IPP: variants seen among roughly 807,000 people sequenced by gnomAD.
IPP encodes the protein actin-binding protein IPP.
A neutral mutation model predicts 64.1 loss-of-function variants in IPP; 41 were observed. That is an observed-to-expected ratio of 0.64 (90% CI 0.50 to 0.83). The LOEUF (loss-of-function observed/expected upper bound fraction) is 0.83. IPP is among the 40% of genes least tolerant of loss of function. IPP has a pLI of 0.00. For synonymous variants in IPP, 214 were observed against 235.2 expected, an observed-to-expected ratio of 0.91 and a Z score of 0.83; for missense variants, 649 against 703.0, an observed-to-expected ratio of 0.92 and a Z score of 0.87.
chr1:45,719,862 A>C (rs1645708714), intron 5 of IPP, among the ~76,000 whole-genome samples: 1 of 151,754 alleles, frequency 6.6e-6, no homozygotes, highest in African/African-American at 2.4e-5. Flanking sequence ...AGTAGCTGGG[A>C]CTACAGGCGC....
Position 45,717,027 on chromosome 1 carries a change from A to C in IPP, c.1187-10T>G. 6.2e-7 allele frequency: 1 copy of C among 1,609,372 alleles called. No individual in the cohort carries two copies. Among genetic ancestry groups the C allele is most frequent in the African/African-American group, 1.3e-5 (1 of 74,784 alleles). The stretch of plus-strand genomic sequence containing the variant: ...GCTCCAACCCATCCACCTGTAATGA[A>C]ATAGAAAAATGTTTGTTTCCGGGAT... On this transcript the variant is annotated splice_polypyrimidine_tract_variant and intron_variant, in intron 6 of 8. Transcript: ENST00000396478.
At chr1:45,718,700 C>T (rs1160089647) in intron 6 of IPP, among the ~76,000 whole-genome samples, 1 of 152,138 alleles carries the variant, frequency 6.6e-6, no homozygotes, top group Non-Finnish European at 1.5e-5. Context: ...AGGGAAAGAA[C>T]ATCTCCAAAG....
At chr1:45,701,205 T>G (rs993899298) in intron 8 of IPP, among the ~76,000 whole-genome samples, 5 of 152,258 alleles carry the variant, frequency 3.3e-5, no homozygotes, top group African/African-American at 1.2e-4. Flanking sequence ...ACACAAAAAG[T>G]TTGCTAACTC....
At chr1:45,704,027 C>CG (rs777655296) in intron 8 of IPP, among the ~76,000 whole-genome samples, 38 of 152,126 alleles carry the variant, frequency 2.5e-4, no homozygotes, top group Non-Finnish European at 5.1e-4. Flanking sequence ...AACCTCCTGT[C>CG]TCCTACCTTT....
In IPP at chr1:45,723,948, G is replaced by A. The variant is rs541321639; in HGVS notation, c.1048+3683C>T. 7.9e-5 allele frequency among the ~76,000 whole-genome samples: 12 copies of A among 151,744 alleles called. No individual in the cohort carries two copies. In the South Asian group the frequency reaches 2.1e-3, roughly 26 times the overall value. On this transcript the variant is annotated intron_variant, in intron 5 of 8. Transcript: ENST00000396478. ...AGGCTGAGGCAGGAGAATCACTTGA[G>A]CTCAGGAGTTCCTCTCCCTCTCCCC...
chr1:45,730,867 G>C (rs532039931), intron 3 of IPP, among the ~76,000 whole-genome samples: 11 of 152,298 alleles, frequency 7.2e-5, no homozygotes, highest in African/African-American at 2.6e-4. Flanking sequence ...AGAATGAAAA[G>C]CAGAACTGAG....
intron 3 of IPP, among the ~76,000 whole-genome samples, chr1:45,733,204 A>G (rs551779958): frequency 9.6e-4 from 146 of 151,914 alleles, no homozygotes; most frequent in African/African-American, 3.3e-3. Context: ...AGGTGGGCAG[A>G]TCACAAGGTC....
chr1:45,740,789 C>T (rs1006143232), intron 3 of IPP, 112 bp downstream of exon 3: 2 of 595,914 alleles, frequency 3.4e-6, no homozygotes, highest in Middle Eastern at 4.1e-4. Context: ...AAAGAGTAAT[C>T]ATTCAATAAA....
At chr1:45,711,265 T>C (rs1490588795) in intron 8 of IPP, among the ~76,000 whole-genome samples, 1 of 151,482 alleles carries the variant, frequency 6.6e-6, no homozygotes, top group Admixed American at 6.6e-5. Flanking sequence ...TGCTTGAACC[T>C]GGGAGGCGGA....
In IPP at chr1:45,699,184, GTATC is replaced by G. The variant is rs1645417268; in HGVS notation, c.*778_*781del. On this transcript the variant is annotated 3_prime_UTR_variant, in exon 9 of 9. Transcript: ENST00000396478. ...CAAAAACTTATCATCAAGCAAAAAG[GTATC>G]TATCTATTAAAATAGCTAGATATTT... 2.0e-5 allele frequency: 20 copies of G among 985,274 alleles called. No homozygotes were observed. Among genetic ancestry groups the G allele is most frequent in the Non-Finnish European group, 2.4e-5 (20 of 829,872 alleles). The allele number at this position is 985,274 out of a possible 1,614,324, so 61.0% of individuals were successfully genotyped here. A position where few individuals can be genotyped will look rare whatever the true frequency, so the allele number is the denominator to read the frequency against.
At chr1:45,748,975 A>AC (rs904711720) in intron 1 of IPP, among the ~76,000 whole-genome samples, 6 of 151,852 alleles carry the variant, frequency 4.0e-5, no homozygotes, top group Non-Finnish European at 8.8e-5. Flanking sequence ...GTCTCAAAAA[A>AC]AAAAAAGGAA....
intron 6 of IPP, among the ~76,000 whole-genome samples, chr1:45,717,221 GAAAAAAAAA>G (rs56338317): frequency 3.4e-4 from 32 of 95,260 alleles, no homozygotes; most frequent in African/African-American, 8.2e-4. Context: ...GCTCTTTTGA[GAAAAAAAAA>G]AAAAAAAAAA....
At chr1:45,709,317 C>A (rs1403867153) in intron 8 of IPP, among the ~76,000 whole-genome samples, 1 of 150,076 alleles carries the variant, frequency 6.7e-6, no homozygotes, top group African/African-American at 2.4e-5. Context: ...CCTGTAGTCC[C>A]AGCTACTCGG....
chr1:45,747,118 G>C (rs905294564), intron 1 of IPP, among the ~76,000 whole-genome samples: 1 of 149,864 alleles, frequency 6.7e-6, no homozygotes, highest in African/African-American at 2.4e-5. Flanking sequence ...GCGCGCACAC[G>C]AGCGCGCGCG....
intron 8 of IPP, among the ~76,000 whole-genome samples, chr1:45,707,102 T>C (rs1645521390): frequency 6.6e-6 from 1 of 152,056 alleles, no homozygotes; most frequent in Non-Finnish European, 1.5e-5. Flanking sequence ...CAGATACATA[T>C]CCAAACATGA....
At position 45,699,611 on chromosome 1, in the gene IPP, G is replaced by A. The variant is rs1354329974; in HGVS notation, c.*355C>T. On this transcript the variant is annotated 3_prime_UTR_variant, in exon 9 of 9. Coordinates refer to ENST00000396478, the MANE Select transcript of IPP (RefSeq NM_005897.3). Reference sequence around the variant, plus strand: ...TCTGTGTGAGCTCTTTATTAATTGGGATATATTCCATATCCATTCTCACTC... The same window carrying A: ...TCTGTGTGAGCTCTTTATTAATTGGAATATATTCCATATCCATTCTCACTC... 8.9e-6 allele frequency: 9 copies of A among 1,011,676 alleles called. No homozygotes were observed. The highest frequency in any genetic ancestry group is 1.1e-5 in the Non-Finnish European group (9 of 844,064). The allele number at this position is 1,011,676 out of a possible 1,614,324, so 62.7% of individuals were successfully genotyped here.
At chr1:45,718,995 C>A (rs1645696558) in intron 6 of IPP, among the ~76,000 whole-genome samples, 2 of 151,068 alleles carry the variant, frequency 1.3e-5, no homozygotes, top group South Asian at 4.2e-4. Context: ...TTAAAAATAA[C>A]TAGAAGAGTA....
At chr1:45,735,882 A>T (rs1195551672) in intron 3 of IPP, among the ~76,000 whole-genome samples, 3 of 151,560 alleles carry the variant, frequency 2.0e-5, no homozygotes, top group African/African-American at 7.3e-5. Flanking sequence ...GAGGCCAAGG[A>T]GGGTGGATCA....
At chr1:45,736,702 A>G (rs1645985689) in intron 3 of IPP, among the ~76,000 whole-genome samples, 1 of 152,080 alleles carries the variant, frequency 6.6e-6, no homozygotes. Context: ...CTTGAATTAG[A>G]CACTCTCACT....
Sources: allele counts gnomAD v4.1 joint callset (sites outside exome capture counted in the v4.1 genomes callset), GRCh38; gene constraint gnomAD v4.1.1; transcripts MANE v1.5; gene names NCBI Gene and HGNC (gene_info 2026-07-23, HGNC 2026-07-21).